The following CFAP77 variants were observed in gnomAD, a reference collection of about 807,000 sequenced individuals.
CFAP77 encodes cilia and flagella associated protein 77.
In CFAP77, 25 loss-of-function variants were observed where a neutral mutation model predicts 31.1. The observed-to-expected ratio is 0.80, with a 90% CI of 0.59 to 1.12. The LOEUF (loss-of-function observed/expected upper bound fraction) is 1.12. Ranked by LOEUF, CFAP77 falls within the 50% of genes most tolerant of loss-of-function variation. The probability of loss-of-function intolerance (pLI) is 0.00; values close to 1 mark genes in which losing one functional copy is unlikely to be tolerated. For synonymous variants in CFAP77, 151 were observed against 159.9 expected, an observed-to-expected ratio of 0.94 and a Z score of 0.42; for missense variants, 377 against 397.3, an observed-to-expected ratio of 0.95 and a Z score of 0.44.
intron 1 of CFAP77, among the ~76,000 whole-genome samples, chr9:132,459,866 GTGTA>G (rs1003400925): frequency 5.3e-5 from 8 of 151,354 alleles, no homozygotes; most frequent in Non-Finnish European, 1.0e-4. Flanking sequence ...GTGTGAGTGT[GTGTA>G]TGTGTGAGTG....
intron 1 of CFAP77, among the ~76,000 whole-genome samples, chr9:132,472,088 C>T (rs575356159): frequency 1.3e-5 from 2 of 152,264 alleles, no homozygotes; most frequent in African/African-American, 4.8e-5. Context: ...TGCAGATCCC[C>T]CCGCCGCCCC....
chr9:132,434,204 G>T (rs1850465777), intron 1 of CFAP77, among the ~76,000 whole-genome samples: 1 of 152,052 alleles, frequency 6.6e-6, no homozygotes, highest in South Asian at 2.1e-4. Flanking sequence ...CCTCTCCTCT[G>T]GAAGTCTTTC....
At chr9:132,504,632 G>A (rs879375971) in intron 3 of CFAP77, among the ~76,000 whole-genome samples, 12 of 152,172 alleles carry the variant, frequency 7.9e-5, no homozygotes, top group African/African-American at 7.2e-5. Flanking sequence ...CTGATGTGAC[G>A]GGCAGCTCCG....
At chr9:132,470,042 T>A (rs1342610251) in intron 1 of CFAP77, among the ~76,000 whole-genome samples, 1 of 152,148 alleles carries the variant, frequency 6.6e-6, no homozygotes, top group Non-Finnish European at 1.5e-5. Flanking sequence ...TTTCTCCATG[T>A]TGGTCAGGCT....
At chr9:132,570,275 C>G (rs2119114586) in intron 5 of CFAP77, among the ~76,000 whole-genome samples, 1 of 152,340 alleles carries the variant, frequency 6.6e-6, no homozygotes, top group Non-Finnish European at 1.5e-5. Flanking sequence ...TGATGGAGAT[C>G]AGTTGCACAG....
At chr9:132,470,454 G>C (rs948767455) in intron 1 of CFAP77, among the ~76,000 whole-genome samples, 12 of 152,216 alleles carry the variant, frequency 7.9e-5, no homozygotes, top group Non-Finnish European at 1.8e-4. Context: ...TACCGAGGTG[G>C]TGGTGACAGT....
intron 1 of CFAP77, among the ~76,000 whole-genome samples, chr9:132,469,633 C>CA (rs777838917): frequency 1.3e-5 from 2 of 151,924 alleles, no homozygotes; most frequent in South Asian, 2.1e-4. Context: ...CATTCTCTTT[C>CA]AAAAAAAGTA....
At position 132,481,699 on chromosome 9, in the gene CFAP77, C is replaced by T. The variant is rs904594280; in HGVS notation, c.196-16996C>T. 6.6e-6 allele frequency among the ~76,000 whole-genome samples: 1 copy of T among 152,246 alleles called. No homozygotes were observed. Among genetic ancestry groups the T allele is most frequent in the South Asian group, 2.1e-4 (1 of 4,816 alleles). ...CCAGCTTTGTGCTGAAATGAAGAGC[C>T]GCCGCTTCCTCTCCCAGCCGACCCC... On this transcript the variant is annotated intron_variant, in intron 1 of 5. Coordinates refer to ENST00000393216, the MANE Select transcript of CFAP77 (RefSeq NM_001282957.2). This position sits in a 1 kb window ranked among gnomAD's most constrained non-coding sequence, Gnocchi z 5.0.
chr9:132,478,730 G>A (rs1465095498), intron 1 of CFAP77, among the ~76,000 whole-genome samples: 5 of 152,172 alleles, frequency 3.3e-5, no homozygotes, highest in African/African-American at 1.2e-4. Flanking sequence ...TCTCAGCCTA[G>A]CCCTTTAAAA....
chr9:132,498,927 T>C lies in CFAP77; in HGVS notation c.295+133T>C. 1 of 667,208 alleles carries C rather than the reference T, an allele frequency of 1.5e-6. No individual in the cohort carries two copies. The allele number at this position is 667,208 out of a possible 1,614,324, so 41.3% of individuals were successfully genotyped here. A position where few individuals can be genotyped will look rare whatever the true frequency, so the allele number is the denominator to read the frequency against. On this transcript the variant is annotated intron_variant, in intron 2 of 5. Coordinates refer to ENST00000393216, the MANE Select transcript of CFAP77 (RefSeq NM_001282957.2). This position sits in a 1 kb window ranked among gnomAD's most constrained non-coding sequence, Gnocchi z 4.2. ...GAGAAAGACCCAGGGACCGCCAGCC[T>C]GGGCAGCTGACTGGTAAAACCCAGG...
intron 5 of CFAP77, among the ~76,000 whole-genome samples, chr9:132,571,133 C>T (rs772501374): frequency 6.6e-6 from 1 of 152,166 alleles, no homozygotes; most frequent in Non-Finnish European, 1.5e-5. Flanking sequence ...GGGTGGTCAA[C>T]CCTGGCCTGG....
At position 132,424,788 on chromosome 9, in the gene CFAP77, G is replaced by A. The variant is rs1019119248; in HGVS notation, c.195+14322G>A. The stretch of plus-strand genomic sequence containing the variant: ...GCGCATCTGCCGGCCAGGGAGCCAG[G>A]ATGGCTGGGGGCAAAACCTCCATCA... On this transcript the variant is annotated intron_variant, in intron 1 of 5. Transcript: ENST00000393216. The surrounding 1 kb of genome is among the most constrained non-coding windows in gnomAD (Gnocchi z 4.1). Among the ~76,000 whole-genome samples the A allele has an allele frequency of 9.2e-5, 14 of 152,246 alleles. No homozygotes were observed. The highest frequency in any genetic ancestry group is 3.4e-4 in the African/African-American group (14 of 41,466).
In CFAP77 at chr9:132,495,873, T is replaced by A. The variant is rs1458075707; in HGVS notation, c.196-2822T>A. ...TGAAGATACAACAAGAAGGCGGCCA[T>A]CTGCAAACCAAGAAGAGAGCCCTCA... is the stretch of plus-strand genomic sequence containing the variant. On this transcript the variant is annotated intron_variant, in intron 1 of 5. Coordinates refer to ENST00000393216, the MANE Select transcript of CFAP77 (RefSeq NM_001282957.2). This position sits in a 1 kb window ranked among gnomAD's most constrained non-coding sequence, Gnocchi z 4.2. Among the ~76,000 whole-genome samples, 2 of 152,206 alleles carry A rather than the reference T, an allele frequency of 1.3e-5. No individual in the cohort carries two copies. The highest frequency in any genetic ancestry group is 4.8e-5 in the African/African-American group (2 of 41,440).
rs199879705 is a variant in CFAP77 at position 132,572,428 on chromosome 9, G to T, written c.773G>T (p.Arg258Leu). The T allele has an allele frequency of 1.0e-4, 166 of 1,612,968 alleles. No individual in the cohort carries two copies. The highest frequency in any genetic ancestry group is 5.0e-5 in the Admixed American group (3 of 60,002). ...GATACGTTCCCCACGGAGGCCGATC[G>T]CCAGAGAGCATTAAAAGCCCACCGG... ...HLDTFPTEADRQRALKAHREE... is the reference protein window; with the variant it reads ...HLDTFPTEADLQRALKAHREE... The change falls in exon 6 of 6, where the codon CGC (arginine) becomes CTC (leucine). Residue 258 changes from arginine (R) to leucine (L), a missense_variant. Transcript: ENST00000393216.
In CFAP77 at chr9:132,439,718, G is replaced by A. The variant is rs562174098; in HGVS notation, c.195+29252G>A. 3.2e-3 allele frequency among the ~76,000 whole-genome samples: 493 copies of A among 152,006 alleles called. 2 individuals are homozygous for A. Among genetic ancestry groups the A allele is most frequent in the Non-Finnish European group, 5.7e-3 (390 of 67,952 alleles). On this transcript the variant is annotated intron_variant, in intron 1 of 5. Coordinates refer to ENST00000393216, the MANE Select transcript of CFAP77 (RefSeq NM_001282957.2). Reference sequence around the variant, plus strand: ...ACAAAAATTAGCCGGGCGTGGTGGCGGGCGCCTGTAGTCCCAGCTACTGGG... The same window carrying A: ...ACAAAAATTAGCCGGGCGTGGTGGCAGGCGCCTGTAGTCCCAGCTACTGGG...
At chr9:132,561,213 A>T (rs1829796226) in intron 5 of CFAP77, among the ~76,000 whole-genome samples, 1 of 152,136 alleles carries the variant, frequency 6.6e-6, no homozygotes, top group Non-Finnish European at 1.5e-5. Context: ...AGTGCCTCTC[A>T]TTAGAGGAGA....
intron 1 of CFAP77, among the ~76,000 whole-genome samples, chr9:132,429,495 A>G (rs11243774): frequency 0.067 from 8,995 of 133,650 alleles, 490 homozygotes; most frequent in East Asian, 0.35. Flanking sequence ...CCAAGATCGC[A>G]CCACCGCACT....
chr9:132,463,330 G>A (rs979929201), intron 1 of CFAP77, among the ~76,000 whole-genome samples: 2 of 152,192 alleles, frequency 1.3e-5, no homozygotes, highest in African/African-American at 4.8e-5. Flanking sequence ...TTAGAGTGTA[G>A]AAAACCCAGA....
intron 3 of CFAP77, among the ~76,000 whole-genome samples, chr9:132,505,322 C>T (rs898654282): frequency 1.3e-5 from 2 of 152,188 alleles, no homozygotes; most frequent in African/African-American, 4.8e-5. Flanking sequence ...GATGCAAAGC[C>T]GAATTTAGAT....
Sources: allele counts gnomAD v4.1 joint callset (sites outside exome capture counted in the v4.1 genomes callset), GRCh38; gene constraint gnomAD v4.1.1; non-coding constraint Gnocchi (gnomAD v3.1); transcripts MANE v1.5; gene names NCBI Gene and HGNC (gene_info 2026-07-23, HGNC 2026-07-21).